Variants in RBBP8 observed in about 807,000 individuals in gnomAD.
RBBP8 encodes the protein RB binding protein 8, endonuclease, also known as DNA endonuclease RBBP8.
RBBP8 carries 88 observed loss-of-function variants against 108.3 expected under a neutral mutation model. The observed-to-expected ratio is 0.81, with a 90% confidence interval of 0.68 to 0.97. The LOEUF (loss-of-function observed/expected upper bound fraction) is 0.97. Ranked by LOEUF, RBBP8 falls within the 50% of genes least tolerant of loss-of-function variation. The pLI, the probability that RBBP8 is intolerant of heterozygous loss-of-function variation, is 0.00. For missense variants in RBBP8, 1,023 were observed against 1,049.0 expected (o/e 0.98, Z 0.34); for synonymous variants, 332 against 348.2 (o/e 0.95, Z 0.52).
chr18:23,022,369 G>A (rs1292179854), intron 18 of RBBP8, 99 bp downstream of exon 18: 7 of 1,186,376 alleles, frequency 5.9e-6, no homozygotes, highest in Non-Finnish European at 5.9e-6. Context: ...GAGAGGCCAA[G>A]GTGGGTGGAT....
At chr18:23,008,292 C>T (rs1255888729) in intron 16 of RBBP8, among the ~76,000 whole-genome samples, 1 of 152,056 alleles carries the variant, frequency 6.6e-6, no homozygotes, top group African/African-American at 2.4e-5. Context: ...AGTAAAGTTA[C>T]TCCTTTTATT....
intron 6 of RBBP8, among the ~76,000 whole-genome samples, chr18:22,978,674 A>G (rs1260279008): frequency 1.3e-5 from 2 of 152,132 alleles, no homozygotes; most frequent in African/African-American, 2.4e-5. Flanking sequence ...TAGATTTCAC[A>G]CTCCATTAAT....
At chr18:22,985,066 C>G in intron 8 of RBBP8, 76 bp downstream of exon 8, 7 of 1,573,454 alleles carry the variant, frequency 4.4e-6, no homozygotes, top group Non-Finnish European at 5.2e-6. Flanking sequence ...CACAGTCTAA[C>G]TTAGACAATA....
At chr18:22,980,972 T>TTTTTTTTTG (rs1914884949) in intron 6 of RBBP8, among the ~76,000 whole-genome samples, 1 of 72,800 alleles carries the variant, frequency 1.4e-5, no homozygotes, top group Admixed American at 1.2e-4. Flanking sequence ...TGTCTTTTTT[T>TTTTTTTTTG]TTTTTTTTTT....
upstream of RBBP8, among the ~76,000 whole-genome samples, chr18:22,928,607 CAA>C (rs1909880613): frequency 6.6e-6 from 1 of 151,556 alleles, no homozygotes; most frequent in Admixed American, 6.6e-5. Context: ...AGAGACTGTG[CAA>C]GGATAAGAGC....
At chr18:22,914,323 A>C (rs962357134) in intron 1 of RBBP8, 1 of 152,198 alleles carries the variant, frequency 6.6e-6, no homozygotes, top group Non-Finnish European at 1.5e-5. Flanking sequence ...ATATTTTTAA[A>C]ATTTCTCAGT....
At chr18:23,011,136 A>C (rs1318921334) in intron 16 of RBBP8, among the ~76,000 whole-genome samples, 1 of 152,190 alleles carries the variant, frequency 6.6e-6, no homozygotes, top group Non-Finnish European at 1.5e-5. Flanking sequence ...AGAGTGACTA[A>C]AACTTTTCTT....
chr18:23,024,113 G>C (rs1017854559), intron 18 of RBBP8, among the ~76,000 whole-genome samples: 3 of 138,542 alleles, frequency 2.2e-5, no homozygotes, highest in African/African-American at 8.1e-5. Flanking sequence ...TCAAACTCCT[G>C]ATCTCAAGTG....
intron 18 of RBBP8, among the ~76,000 whole-genome samples, chr18:23,023,935 A>G (rs1222195011): frequency 2.4e-5 from 3 of 123,880 alleles, no homozygotes. Context: ...TGCAAATGGC[A>G]CAATCTCGGC....
At chr18:22,955,527 A>G (rs936951695) in intron 4 of RBBP8, among the ~76,000 whole-genome samples, 6 of 152,062 alleles carry the variant, frequency 3.9e-5, no homozygotes, top group African/African-American at 7.2e-5. Context: ...GCTGGCAAAG[A>G]GCAAAGAAGC....
At chr18:22,951,968 A>G in intron 4 of RBBP8, among the ~76,000 whole-genome samples, 1 of 152,222 alleles carries the variant, frequency 6.6e-6, no homozygotes, top group South Asian at 2.1e-4. Flanking sequence ...GAAAGGAACC[A>G]TCCACTTGAA....
chr18:22,965,149 G>T (rs1913469508), intron 4 of RBBP8, among the ~76,000 whole-genome samples: 1 of 151,800 alleles, frequency 6.6e-6, no homozygotes, highest in African/African-American at 2.4e-5. Flanking sequence ...GATAGCATTG[G>T]CATTTTTTCT....
In RBBP8 at chr18:22,997,772, C is replaced by T. The variant is rs199718993; in HGVS notation, c.2143+38C>T. The T allele has an allele frequency of 1.7e-4, 236 of 1,377,804 alleles. No individual in the cohort carries two copies. In the African/African-American group the frequency reaches 2.1e-3, roughly 12 times the overall value. The allele number at this position is 1,377,804 out of a possible 1,614,324, so 85.3% of individuals were successfully genotyped here. On this transcript the variant is annotated intron_variant, in intron 14 of 18. Transcript: ENST00000327155. Reference sequence around the variant, plus strand: ...TTTGTTTTGTTATTTTTTTTAATAACGTTGTGTGAAGTTTGTAGTTGTACC... The same window carrying T: ...TTTGTTTTGTTATTTTTTTTAATAATGTTGTGTGAAGTTTGTAGTTGTACC...
intron 2 of RBBP8, among the ~76,000 whole-genome samples, chr18:22,937,787 CATT>C (rs150874075): frequency 0.031 from 4,698 of 150,356 alleles, 230 homozygotes; most frequent in African/African-American, 0.11. Flanking sequence ...CCAAAGATCT[CATT>C]ATTTATTTAT....
chr18:22,957,238 C>T (rs1912635692), intron 4 of RBBP8, among the ~76,000 whole-genome samples: 1 of 147,206 alleles, frequency 6.8e-6, no homozygotes, highest in Admixed American at 6.8e-5. Flanking sequence ...TTTCATAGTA[C>T]TCTGTATTTC....
At chr18:22,923,556 C>T (rs190116008) in intron 3 of RBBP8, among the ~76,000 whole-genome samples, 55 of 152,284 alleles carry the variant, frequency 3.6e-4, no homozygotes, top group African/African-American at 1.3e-3. Flanking sequence ...GTATTAATAT[C>T]CTCTTTCAGT....
At chr18:22,923,107 A>G (rs1567937178) in intron 3 of RBBP8, among the ~76,000 whole-genome samples, 1 of 152,176 alleles carries the variant, frequency 6.6e-6, no homozygotes, top group Non-Finnish European at 1.5e-5. Context: ...TACCGTTAAC[A>G]ACAGTTTCTT....
intron 6 of RBBP8, among the ~76,000 whole-genome samples, chr18:22,976,640 T>TA (rs1567972536): frequency 2.0e-5 from 3 of 151,908 alleles, no homozygotes; most frequent in African/African-American, 7.2e-5. Context: ...TCATTTTTTT[T>TA]AAAAAATATG....
At chr18:22,958,975 T>TAAACAGTC (rs1912833979) in intron 4 of RBBP8, among the ~76,000 whole-genome samples, 1 of 152,250 alleles carries the variant, frequency 6.6e-6, no homozygotes, top group East Asian at 1.9e-4. Context: ...TTAATTCAGT[T>TAAACAGTC]ATTTCATTTC....
Sources: gnomAD v4.1 joint callset for allele counts (sites outside exome capture counted in the v4.1 genomes callset) on GRCh38, gnomAD v4.1.1 for gene constraint, MANE v1.5 for transcripts, NCBI Gene and HGNC (gene_info 2026-07-23, HGNC 2026-07-21) for gene names.